KPNB1: variants seen among roughly 807,000 people sequenced by gnomAD.
The protein encoded by KPNB1 is importin subunit beta-1.
KPNB1 carries 7 observed loss-of-function variants against 113.0 expected under a neutral mutation model. The observed-to-expected ratio is 0.06, with a 90% CI of 0.04 to 0.12. The LOEUF is 0.12. Among genes scored for constraint, KPNB1 ranks in the 10% least tolerant of loss-of-function variants. The pLI is 1.00. For synonymous variants in KPNB1, 363 were observed against 378.6 expected, an observed-to-expected ratio of 0.96 and a Z score of 0.48; for missense variants, 400 against 1,054.8, an observed-to-expected ratio of 0.38 and a Z score of 8.60.
intron 2 of KPNB1, chr17:47,651,465 C>G (rs1190947942): frequency 2.0e-6 from 1 of 508,616 alleles, no homozygotes; most frequent in Non-Finnish European, 2.5e-6. Context: ...AGTGACAAGG[C>G]TTATTTTATA....
At position 47,665,139 on chromosome 17, in the gene KPNB1, C is replaced by T. The variant is rs554680478; in HGVS notation, c.980C>T (p.Thr327Ile). The change falls in exon 9 of 22, where the codon ACA (threonine) becomes ATA (isoleucine). Residue 327 changes from threonine (T) to isoleucine (I), a missense_variant. This residue lies in a region of KPNB1 where 285 missense variants were observed against 627.0 expected (regional missense o/e 0.45). Coordinates refer to ENST00000290158, the MANE Select transcript of KPNB1 (RefSeq NM_002265.6). Reference protein sequence around the residue: ...GALQYLVPILTQTLTKQDEND... With the variant: ...GALQYLVPILIQTLTKQDEND... ...CTACAGTATCTGGTTCCAATCCTCA[C>T]ACAGACACTAACTAAACAGGTGAGT... 3 of 1,613,570 alleles carry T rather than the reference C, an allele frequency of 1.9e-6. No individual in the cohort carries two copies. In the South Asian group the frequency reaches 3.3e-5, roughly 18 times the overall value.
At chr17:47,678,251 A>G (rs2030670315) in intron 18 of KPNB1, 57 bp from the exon 19 acceptor site, 2 of 1,611,084 alleles carry the variant, frequency 1.2e-6, no homozygotes, top group Non-Finnish European at 1.7e-6. Flanking sequence ...GACTATTGAC[A>G]AACATGCAGC....
chr17:47,680,193 A>G (rs979815588), intron 20 of KPNB1, 59 bp downstream of exon 20: 12 of 1,215,440 alleles, frequency 9.9e-6, no homozygotes, highest in African/African-American at 3.0e-5. Flanking sequence ...ATGAGAAAAC[A>G]TGGAGTAAGG....
chr17:47,655,176 T>C (rs868402724), intron 3 of KPNB1, among the ~76,000 whole-genome samples: 2 of 152,240 alleles, frequency 1.3e-5, no homozygotes, highest in African/African-American at 4.8e-5. Flanking sequence ...CTGTTTGCCT[T>C]TGAGTGGACT....
At chr17:47,667,588 C>A (rs2030329003) in intron 9 of KPNB1, among the ~76,000 whole-genome samples, 1 of 149,360 alleles carries the variant, frequency 6.7e-6, no homozygotes, top group East Asian at 2.0e-4. Flanking sequence ...GACAGAGTCT[C>A]ACTCTGTTAC....
chr17:47,654,588 T>C (rs771741980), intron 3 of KPNB1, among the ~76,000 whole-genome samples: 2 of 152,128 alleles, frequency 1.3e-5, no homozygotes, highest in African/African-American at 2.4e-5. Context: ...TGGGGCACAA[T>C]TGGGAGCTAG....
chr17:47,674,913 C>A, intron 15 of KPNB1, 131 bp downstream of exon 15: 3 of 868,428 alleles, frequency 3.5e-6, no homozygotes, highest in South Asian at 1.8e-5. Flanking sequence ...AAATCGTGGG[C>A]TCACATGATC....
chr17:47,678,090 G>A lies in KPNB1; in HGVS notation c.2148G>A (p.Val716=), dbSNP rs1250350205. The A allele has an allele frequency of 3.1e-6, 5 of 1,614,142 alleles. No individual in the cohort carries two copies. Among genetic ancestry groups the A allele is most frequent in the East Asian group, 2.2e-5 (1 of 44,890 alleles). The stretch of plus-strand genomic sequence containing the variant: ...CTGTGAAGCCGCAGATTCTGTCAGT[G>A]TTTGGTGATATTGCCCTTGCTATTG... ...HRSVKPQILS[V]FGDIALAIGG... Residue 716 remains valine, a synonymous_variant, in exon 18 of 22, where the codon GTG becomes GTA. Coordinates refer to ENST00000290158, the MANE Select transcript of KPNB1 (RefSeq NM_002265.6).
At chr17:47,651,596 GTAT>G (rs1915572047) in intron 2 of KPNB1, among the ~76,000 whole-genome samples, 2 of 152,032 alleles carry the variant, frequency 1.3e-5, no homozygotes, top group African/African-American at 2.4e-5. Context: ...TCCATTTAGG[GTAT>G]TATTCCTGTT....
chr17:47,668,167 T>A lies in KPNB1; in HGVS notation c.1000-19T>A. 3 of 1,599,366 alleles carry A rather than the reference T, an allele frequency of 1.9e-6. No homozygotes were observed. The highest frequency in any genetic ancestry group is 2.6e-6 in the Non-Finnish European group (3 of 1,167,370). On this transcript the variant is annotated intron_variant, in intron 9 of 21. Transcript: ENST00000290158. ...ATTCTTTGGACAAAATCTTAACTAG[T>A]GCCATATTCTTTCACCAGGACGAAA...
chr17:47,662,151 A>C (rs1229078548), intron 6 of KPNB1: 1 of 152,124 alleles, frequency 6.6e-6, no homozygotes, highest in Admixed American at 6.5e-5. Context: ...TTACGCCTGT[A>C]ATCCCAACAC....
intron 2 of KPNB1, among the ~76,000 whole-genome samples, chr17:47,650,968 G>A (rs1380232049): frequency 6.6e-6 from 1 of 152,124 alleles, no homozygotes; most frequent in Non-Finnish European, 1.5e-5. Context: ...GCACCCGACT[G>A]CCTCTTAACC....
intron 5 of KPNB1, among the ~76,000 whole-genome samples, chr17:47,659,983 CAT>C (rs1350322947): frequency 6.6e-6 from 1 of 151,918 alleles, no homozygotes; most frequent in Non-Finnish European, 1.5e-5. Context: ...CAATGAATAA[CAT>C]AAAATTTACC....
chr17:47,671,230 C>T (rs1454165778), intron 12 of KPNB1, among the ~76,000 whole-genome samples: 1 of 152,138 alleles, frequency 6.6e-6, no homozygotes, highest in East Asian at 1.9e-4. Context: ...GCACTCCAGC[C>T]TGGACAACAA....
At chr17:47,650,565 C>G (rs895034935) in intron 2 of KPNB1, 121 bp downstream of exon 2, 15 of 695,730 alleles carry the variant, frequency 2.2e-5, no homozygotes, top group East Asian at 1.7e-4. Flanking sequence ...TCCCCCTCCC[C>G]CCTCCCCCTC....
chr17:47,666,705 G>A (rs1470016433), intron 9 of KPNB1, among the ~76,000 whole-genome samples: 4 of 150,034 alleles, frequency 2.7e-5, no homozygotes, highest in African/African-American at 4.9e-5. Context: ...TGTAGCCTCC[G>A]CCTCCTGGGT....
intron 21 of KPNB1, among the ~76,000 whole-genome samples, chr17:47,681,002 T>C (rs1184554610): frequency 6.6e-6 from 1 of 152,196 alleles, no homozygotes; most frequent in Non-Finnish European, 1.5e-5. Flanking sequence ...TTTACAGCAG[T>C]GCTTTTAGAC....
chr17:47,674,918 A>G (rs990399204), intron 15 of KPNB1, 136 bp downstream of exon 15: 3 of 837,080 alleles, frequency 3.6e-6, no homozygotes, highest in African/African-American at 3.4e-5. Context: ...GTGGGCTCAC[A>G]TGATCCTTCC....
intron 7 of KPNB1, 47 bp downstream of exon 7, chr17:47,663,225 G>A: frequency 1.0e-6 from 1 of 968,908 alleles, no homozygotes; most frequent in Non-Finnish European, 1.7e-6. Context: ...TAATTACAGA[G>A]CCCATCATCC....
Sources: gnomAD v4.1 joint callset for allele counts (sites outside exome capture counted in the v4.1 genomes callset) on GRCh38, gnomAD v4.1.1 for gene constraint, gnomAD v4.1.1 regional missense constraint, MANE v1.5 for transcripts, NCBI Gene and HGNC (gene_info 2026-07-23, HGNC 2026-07-21) for gene names.